The following KIF16B variants were observed in gnomAD, a reference collection of about 807,000 sequenced individuals.
The protein encoded by KIF16B is kinesin-like protein KIF16B.
A neutral mutation model predicts 156.3 loss-of-function variants in KIF16B; 98 were observed. The ratio of observed to expected loss-of-function variants is 0.63; its 90% CI spans 0.53 to 0.74. The LOEUF (loss-of-function observed/expected upper bound fraction) is 0.74. Among genes scored for constraint, KIF16B ranks in the 30% least tolerant of loss-of-function variants. The pLI, the probability that KIF16B is intolerant of heterozygous loss-of-function variation, is 0.00. For missense variants in KIF16B, 1,421 were observed against 1,606.5 expected, an observed-to-expected ratio of 0.88 and a Z score of 1.97; for synonymous variants, 564 against 583.7, an observed-to-expected ratio of 0.97 and a Z score of 0.49.
At chr20:16,429,153 A>G in intron 13 of KIF16B, 149 bp from the exon 14 acceptor site, 1 of 683,408 alleles carries the variant, frequency 1.5e-6, no homozygotes, top group South Asian at 1.7e-5. Flanking sequence ...AGAGCTCCCC[A>G]AGGCTCTGTA....
chr20:16,464,990 A>C (rs906482735), intron 12 of KIF16B, among the ~76,000 whole-genome samples: 2 of 152,098 alleles, frequency 1.3e-5, no homozygotes, highest in African/African-American at 4.8e-5. Context: ...ACTACCATGA[A>C]TTCTTAGAAT....
intron 12 of KIF16B, among the ~76,000 whole-genome samples, chr20:16,478,256 C>G (rs959811533): frequency 6.6e-6 from 1 of 151,980 alleles, no homozygotes; most frequent in Non-Finnish European, 1.5e-5. Context: ...AGAACCATAA[C>G]GTGATACAAC....
chr20:16,520,503 C>T (rs2069306270), intron 3 of KIF16B, among the ~76,000 whole-genome samples: 1 of 152,236 alleles, frequency 6.6e-6, no homozygotes, highest in South Asian at 2.1e-4. Flanking sequence ...GGCCTGGCAT[C>T]TCTGAAAGAA....
At chr20:16,289,938 A>C (rs2063289201) in intron 25 of KIF16B, among the ~76,000 whole-genome samples, 1 of 152,212 alleles carries the variant, frequency 6.6e-6, no homozygotes, top group South Asian at 2.1e-4. Flanking sequence ...AATCTAACCC[A>C]TGTCAGGTAA....
chr20:16,377,195 G>A (rs558020771), intron 19 of KIF16B, among the ~76,000 whole-genome samples: 21 of 152,200 alleles, frequency 1.4e-4, no homozygotes, highest in African/African-American at 4.8e-4. Flanking sequence ...AGCCCCCTTA[G>A]GAGGTGCTGT....
chr20:16,541,622 G>A (rs2070201443), intron 1 of KIF16B, among the ~76,000 whole-genome samples: 1 of 152,190 alleles, frequency 6.6e-6, no homozygotes, highest in African/African-American at 2.4e-5. Context: ...ATTAGGCAAA[G>A]CACCAACTCT....
chr20:16,387,191 T>C (rs1428019114), intron 17 of KIF16B, among the ~76,000 whole-genome samples: 3 of 152,154 alleles, frequency 2.0e-5, no homozygotes, highest in Middle Eastern at 3.2e-3. Context: ...GAACATTATT[T>C]GTAATAATGA....
chr20:16,411,570 A>C (rs1339067336), intron 15 of KIF16B, among the ~76,000 whole-genome samples: 1 of 152,010 alleles, frequency 6.6e-6, no homozygotes, highest in Non-Finnish European at 1.5e-5. Flanking sequence ...CACAGAGCAG[A>C]GAATAAGTAA....
At chr20:16,558,013 A>G (rs1330505355) in intron 1 of KIF16B, among the ~76,000 whole-genome samples, 1 of 152,182 alleles carries the variant, frequency 6.6e-6, no homozygotes, top group African/African-American at 2.4e-5. Context: ...GTAAACGAGG[A>G]AAAATAGAGG....
At chr20:16,328,157 C>T (rs370162541) in intron 24 of KIF16B, among the ~76,000 whole-genome samples, 16 of 152,278 alleles carry the variant, frequency 1.1e-4, no homozygotes, top group African/African-American at 3.8e-4. Flanking sequence ...TAGTCGTTTT[C>T]TTCCCTCCCA....
At chr20:16,475,482 T>C (rs1326698268) in intron 12 of KIF16B, among the ~76,000 whole-genome samples, 2 of 152,334 alleles carry the variant, frequency 1.3e-5, no homozygotes, top group Non-Finnish European at 2.9e-5. Flanking sequence ...ACATTCTTTC[T>C]GTTTCTGTGT....
intron 17 of KIF16B, among the ~76,000 whole-genome samples, chr20:16,400,540 C>CA (rs762091513): frequency 3.9e-5 from 6 of 152,182 alleles, no homozygotes; most frequent in Non-Finnish European, 7.3e-5. Flanking sequence ...AACAAGGACT[C>CA]AAACAAACAA....
intron 18 of KIF16B, among the ~76,000 whole-genome samples, chr20:16,381,118 A>C (rs1186920134): frequency 6.6e-6 from 1 of 152,244 alleles, no homozygotes; most frequent in Non-Finnish European, 1.5e-5. Flanking sequence ...GAGAAAATAC[A>C]GTTTTATCAG....
At chr20:16,562,073 G>A (rs781776488) in intron 1 of KIF16B, among the ~76,000 whole-genome samples, 3 of 152,104 alleles carry the variant, frequency 2.0e-5, no homozygotes, top group Non-Finnish European at 2.9e-5. Flanking sequence ...ATAATATTAC[G>A]GGAAGTTCGG....
In KIF16B at chr20:16,379,101, T is replaced by C. The variant is rs1248565852; in HGVS notation, c.2901A>G (p.Gln967=). The change falls in exon 19 of 26, where the codon CAA becomes CAG. Residue 967 remains glutamine (Q), a synonymous_variant. Transcript: ENST00000354981. The part of the protein sequence containing the change: ...AQYQANANQL[Q]KLQATFEFTA... ...TGAATTCAAAGGTGGCTTGGAGCTT[T>C]TGCAGCTGGTTTGCATTGGCCTGGT... is the stretch of plus-strand genomic sequence containing the variant. 4 of 1,612,812 alleles carry C rather than the reference T, an allele frequency of 2.5e-6. No individual in the cohort carries two copies. Among genetic ancestry groups the C allele is most frequent in the African/African-American group, 2.7e-5 (2 of 74,936 alleles).
intron 12 of KIF16B, among the ~76,000 whole-genome samples, chr20:16,484,967 T>G (rs2068076221): frequency 6.6e-6 from 1 of 152,218 alleles, no homozygotes. Context: ...TTGATCTGCC[T>G]GTACTCATTC....
rs540736077 is a variant in KIF16B, at chr20:16,388,627, A to AT, written c.1785-6881dup. 9.1e-3 allele frequency among the ~76,000 whole-genome samples: 1,346 copies of AT among 148,094 alleles called. 14 individuals are homozygous for AT. Among genetic ancestry groups the AT allele is most frequent in the African/African-American group, 0.026 (1,072 of 40,560 alleles). ...ACAAAAAAAGCATAGCATACAACCT[A>AT]TTTTTTTTTTTAAATCAGAGATAGC... On this transcript the variant is annotated intron_variant, in intron 17 of 25. Coordinates refer to ENST00000354981, the MANE Select transcript of KIF16B (RefSeq NM_024704.5).
chr20:16,562,072 C>T (rs1055824674), intron 1 of KIF16B, among the ~76,000 whole-genome samples: 13 of 152,128 alleles, frequency 8.5e-5, no homozygotes, highest in Non-Finnish European at 1.6e-4. Flanking sequence ...CATAATATTA[C>T]GGGAAGTTCG....
At chr20:16,435,399 T>TTTTA (rs1409724651) in intron 12 of KIF16B, among the ~76,000 whole-genome samples, 16 of 152,360 alleles carry the variant, frequency 1.1e-4, no homozygotes, top group African/African-American at 3.8e-4. Flanking sequence ...CTAGTCTGAC[T>TTTTA]TTTAGTCCAC....
Sources: gnomAD v4.1 joint callset for allele counts (sites outside exome capture counted in the v4.1 genomes callset) on GRCh38, gnomAD v4.1.1 for gene constraint, MANE v1.5 for transcripts, NCBI Gene and HGNC (gene_info 2026-07-23, HGNC 2026-07-21) for gene names.